NLGN1: variants seen among roughly 807,000 people sequenced by gnomAD.
NLGN1 encodes the protein neuroligin 1.
A neutral mutation model predicts 65.5 loss-of-function variants in NLGN1; 12 were observed. The observed-to-expected ratio is 0.18, with a 90% CI of 0.12 to 0.30. The LOEUF (loss-of-function observed/expected upper bound fraction) is 0.30. Among genes scored for constraint, NLGN1 ranks in the 10% least tolerant of loss-of-function variants. The pLI is 1.00. For missense variants in NLGN1, 750 were observed against 1,007.1 expected, an observed-to-expected ratio of 0.74 and a Z score of 3.46; for synonymous variants, 350 against 359.5, an observed-to-expected ratio of 0.97 and a Z score of 0.30.
intron 4 of NLGN1, among the ~76,000 whole-genome samples, chr3:173,984,738 G>C (rs1032364444): frequency 6.6e-6 from 1 of 152,172 alleles, no homozygotes; most frequent in African/African-American, 2.4e-5. Flanking sequence ...TTGTGGTTCT[G>C]AGGGTTAAAA....
chr3:174,248,332 G>T (rs1577575550), intron 4 of NLGN1, among the ~76,000 whole-genome samples: 1 of 152,150 alleles, frequency 6.6e-6, no homozygotes, highest in Admixed American at 6.5e-5. Flanking sequence ...AGGGAACAGA[G>T]TCAGGCAAAT....
chr3:173,704,968 C>T (rs922417032), intron 3 of NLGN1, among the ~76,000 whole-genome samples: 1 of 152,152 alleles, frequency 6.6e-6, no homozygotes, highest in Non-Finnish European at 1.5e-5. Flanking sequence ...TAACACAGTA[C>T]TTTCAATCTT....
intron 3 of NLGN1, among the ~76,000 whole-genome samples, chr3:173,757,795 A>G (rs1320070225): frequency 6.6e-6 from 1 of 152,080 alleles, no homozygotes; most frequent in Non-Finnish European, 1.5e-5. Context: ...TATGTAAATA[A>G]AAGCCCACGT....
chr3:173,639,362 G>C (rs1430472269), intron 3 of NLGN1, among the ~76,000 whole-genome samples: 1 of 152,124 alleles, frequency 6.6e-6, no homozygotes, highest in African/African-American at 2.4e-5. Context: ...ACAGAACTTG[G>C]TCTGGCAGCA....
intron 4 of NLGN1, among the ~76,000 whole-genome samples, chr3:174,047,855 A>G (rs1340729519): frequency 2.0e-5 from 3 of 152,032 alleles, no homozygotes; most frequent in Admixed American, 6.6e-5. Context: ...AAGTTAATGG[A>G]TGAAATATGT....
chr3:173,769,981 G>A (rs1459715571), intron 3 of NLGN1, among the ~76,000 whole-genome samples: 2 of 152,110 alleles, frequency 1.3e-5, no homozygotes, highest in East Asian at 3.9e-4. Flanking sequence ...AACTTTCAAA[G>A]CTCAAGGCAA....
At chr3:174,227,388 A>C (rs957725005) in intron 4 of NLGN1, among the ~76,000 whole-genome samples, 2 of 152,126 alleles carry the variant, frequency 1.3e-5, no homozygotes, top group Non-Finnish European at 1.5e-5. Context: ...GGGATCTGAG[A>C]CTCAGAAAGG....
intron 4 of NLGN1, among the ~76,000 whole-genome samples, chr3:174,168,433 T>C (rs1308037854): frequency 1.3e-5 from 2 of 152,176 alleles, no homozygotes; most frequent in Admixed American, 1.3e-4. Context: ...TTTCTCTTTC[T>C]ATTTTCCCCC....
At chr3:174,160,736 A>C (rs1466631463) in intron 4 of NLGN1, among the ~76,000 whole-genome samples, 2 of 151,312 alleles carry the variant, frequency 1.3e-5, no homozygotes, top group African/African-American at 4.8e-5. Context: ...TCATATTGCC[A>C]ATATAATAGT....
chr3:174,162,774 C>T (rs1255376605), intron 4 of NLGN1, among the ~76,000 whole-genome samples: 1 of 150,192 alleles, frequency 6.7e-6, no homozygotes. Flanking sequence ...GGATTCCTAT[C>T]TAGTGTGTTG....
chr3:173,996,419 C>G (rs1435588514), intron 4 of NLGN1, among the ~76,000 whole-genome samples: 1 of 152,126 alleles, frequency 6.6e-6, no homozygotes, highest in Non-Finnish European at 1.5e-5. Flanking sequence ...AGTGGAGCCT[C>G]AAGAATGTGC....
At chr3:173,842,001 T>G (rs2150680187) in intron 4 of NLGN1, among the ~76,000 whole-genome samples, 1 of 152,302 alleles carries the variant, frequency 6.6e-6, no homozygotes, top group South Asian at 2.1e-4. Flanking sequence ...CTGGGGAATT[T>G]ACAAAGGAAA....
chr3:173,681,964 A>T (rs1273768423), intron 3 of NLGN1, among the ~76,000 whole-genome samples: 1 of 152,190 alleles, frequency 6.6e-6, no homozygotes, highest in Admixed American at 6.5e-5. Context: ...GAGATTTGTG[A>T]AACTAACTTA....
chr3:173,811,371 C>T (rs1377823902), intron 4 of NLGN1, among the ~76,000 whole-genome samples: 1 of 151,818 alleles, frequency 6.6e-6, no homozygotes, highest in Non-Finnish European at 1.5e-5. Context: ...CAAGACCAGC[C>T]TGGCCAACAT....
At chr3:174,083,760 G>T (rs925648691) in intron 4 of NLGN1, among the ~76,000 whole-genome samples, 16 of 151,790 alleles carry the variant, frequency 1.1e-4, no homozygotes, top group Admixed American at 9.2e-4. Flanking sequence ...GGCTAATATA[G>T]AAATTTTTTT....
intron 3 of NLGN1, among the ~76,000 whole-genome samples, chr3:173,676,555 A>G (rs1763197090): frequency 6.6e-6 from 1 of 152,138 alleles, no homozygotes; most frequent in South Asian, 2.1e-4. Context: ...TGAATAAAAT[A>G]TTTTTATGTA....
intron 4 of NLGN1, among the ~76,000 whole-genome samples, chr3:174,094,054 T>G (rs1238571675): frequency 6.6e-6 from 1 of 152,146 alleles, no homozygotes; most frequent in African/African-American, 2.4e-5. Flanking sequence ...TCCAAAAAAG[T>G]AAAAATCTAT....
At chr3:174,289,968 T>C (rs1468428668), downstream of NLGN1, among the ~76,000 whole-genome samples, 2 of 112,686 alleles carry the variant, frequency 1.8e-5, no homozygotes, top group Non-Finnish European at 4.0e-5. Flanking sequence ...TATATATATA[T>C]GTATATATAT....
At chr3:173,498,462 A>C (rs1417374461) in intron 2 of NLGN1, among the ~76,000 whole-genome samples, 1 of 151,832 alleles carries the variant, frequency 6.6e-6, no homozygotes, top group African/African-American at 2.4e-5. Context: ...ATTGTTGGAC[A>C]TTTGGGTTGG....
Sources: allele counts gnomAD v4.1 joint callset (sites outside exome capture counted in the v4.1 genomes callset), GRCh38; gene constraint gnomAD v4.1.1; transcripts MANE v1.5; gene names NCBI Gene and HGNC (gene_info 2026-07-23, HGNC 2026-07-21).